SNTG2: variants seen among roughly 807,000 people sequenced by gnomAD.
SNTG2 encodes the protein syntrophin gamma 2, also known as gamma-2-syntrophin.
A neutral mutation model predicts 70.9 loss-of-function variants in SNTG2; 74 were observed. That is an observed-to-expected ratio of 1.04 (90% confidence interval 0.86 to 1.27). The LOEUF (loss-of-function observed/expected upper bound fraction) is 1.27. Ranked by LOEUF, SNTG2 falls within the 50% of genes most tolerant of loss-of-function variation. The pLI, the probability that SNTG2 is intolerant of heterozygous loss-of-function variation, is 0.00. For synonymous variants in SNTG2, 278 were observed against 273.8 expected (o/e 1.02, Z -0.15); for missense variants, 717 against 690.7 (o/e 1.04, Z -0.43).
chr2:1,005,821 A>C (rs1291968377), intron 1 of SNTG2, among the ~76,000 whole-genome samples: 2 of 4,178 alleles, frequency 4.8e-4, no homozygotes, highest in Non-Finnish European at 9.1e-4. Context: ...ATATATATAT[A>C]TATATATATA....
intron 1 of SNTG2, among the ~76,000 whole-genome samples, chr2:1,003,223 G>T (rs377660590): frequency 1.1e-3 from 173 of 152,100 alleles, no homozygotes; most frequent in Non-Finnish European, 2.0e-3. Flanking sequence ...AACTGCACAC[G>T]TACCCCCTAA....
rs71440611 is a variant in SNTG2 at position 1,014,576 on chromosome 2, A to G, written c.72+63508A>G. On this transcript the variant is annotated intron_variant, in intron 1 of 16. Transcript: ENST00000308624. ...GGCAGAGAGAAGGGTGGTCTGGAGAAGGATTTATATGGGCAGAGAGAAGGG... is the reference window on the plus strand; with the variant it reads ...GGCAGAGAGAAGGGTGGTCTGGAGAGGGATTTATATGGGCAGAGAGAAGGG... Among the ~76,000 whole-genome samples the G allele has an allele frequency of 9.4e-3, 382 of 40,430 alleles. 1 individual carries two copies. Among genetic ancestry groups the G allele is most frequent in the Admixed American group, 0.012 (44 of 3,600 alleles). The allele number at this position is 40,430 out of a possible 152,430, so 26.5% of individuals were successfully genotyped here.
intron 6 of SNTG2, among the ~76,000 whole-genome samples, chr2:1,143,180 C>G (rs1202462732): frequency 6.8e-6 from 1 of 146,964 alleles, no homozygotes; most frequent in Non-Finnish European, 1.5e-5. Context: ...CCATCAATGC[C>G]CTAACTGTAG....
At chr2:1,161,936 A>T (rs1304416399) in intron 6 of SNTG2, among the ~76,000 whole-genome samples, 9 of 152,046 alleles carry the variant, frequency 5.9e-5, no homozygotes, top group East Asian at 3.9e-4. Flanking sequence ...TAGCCAGGCG[A>T]GATGGCGGGC....
At chr2:1,088,682 A>T (rs1031903733) in intron 2 of SNTG2, among the ~76,000 whole-genome samples, 2 of 152,234 alleles carry the variant, frequency 1.3e-5, no homozygotes, top group African/African-American at 4.8e-5. Context: ...GTGTGTCCAT[A>T]GTCAAACTGT....
intron 4 of SNTG2, among the ~76,000 whole-genome samples, chr2:1,136,127 A>G (rs1369942959): frequency 6.6e-6 from 1 of 152,220 alleles, no homozygotes; most frequent in Non-Finnish European, 1.5e-5. Flanking sequence ...GAATCCACAT[A>G]TTCTGTGTGT....
At chr2:1,236,655 T>C (rs1327536126) in intron 9 of SNTG2, among the ~76,000 whole-genome samples, 1 of 152,236 alleles carries the variant, frequency 6.6e-6, no homozygotes, top group Non-Finnish European at 1.5e-5. Flanking sequence ...ATGTCAGCTT[T>C]TTAAAAGAAT....
At chr2:1,143,954 AAC>A (rs1480990772) in intron 6 of SNTG2, among the ~76,000 whole-genome samples, 1 of 127,334 alleles carries the variant, frequency 7.9e-6, no homozygotes, top group African/African-American at 3.1e-5. Flanking sequence ...GAGGAAAAAA[AAC>A]AGAAATTTAT....
chr2:1,156,620 G>C (rs1205205289), intron 6 of SNTG2, among the ~76,000 whole-genome samples: 2 of 152,166 alleles, frequency 1.3e-5, no homozygotes, highest in African/African-American at 4.8e-5. Flanking sequence ...AGCGGGAAGA[G>C]ACCTGGAGTT....
At chr2:1,050,475 A>G (rs972234088) in intron 1 of SNTG2, among the ~76,000 whole-genome samples, 1 of 148,558 alleles carries the variant, frequency 6.7e-6, no homozygotes, top group African/African-American at 2.6e-5. Context: ...GTGGAGTTGC[A>G]TATGTGGATT....
rs112175199 is a variant in SNTG2 at position 1,259,345 on chromosome 2, A to G, written c.1006-25A>G. 95 of 1,612,642 alleles carry G rather than the reference A, an allele frequency of 5.9e-5. 1 individual carries two copies. In the African/African-American group the frequency reaches 8.8e-4, roughly 15 times the overall value. On this transcript the variant is annotated intron_variant, in intron 12 of 16. Transcript: ENST00000308624. Reference sequence around the variant, plus strand: ...AACTAAAAGTAGCATGCTGCTTTTCATGGAACGTTCTCTGTTTCTTGCAGG... The same window carrying G: ...AACTAAAAGTAGCATGCTGCTTTTCGTGGAACGTTCTCTGTTTCTTGCAGG...
At chr2:1,159,716 A>G (rs1447469941) in intron 6 of SNTG2, among the ~76,000 whole-genome samples, 1 of 152,194 alleles carries the variant, frequency 6.6e-6, no homozygotes, top group Non-Finnish European at 1.5e-5. Context: ...AAAGAAAGAA[A>G]TAATAAAAAT....
intron 4 of SNTG2, among the ~76,000 whole-genome samples, chr2:1,137,191 GACACATGCACAC>G (rs1668442123): frequency 6.6e-6 from 1 of 152,122 alleles, no homozygotes; most frequent in Admixed American, 6.6e-5. Flanking sequence ...CACCCCTGTG[GACACATGCACAC>G]ACACATCCAT....
At chr2:1,050,813 T>C (rs1662015261) in intron 1 of SNTG2, among the ~76,000 whole-genome samples, 1 of 152,222 alleles carries the variant, frequency 6.6e-6, no homozygotes, top group South Asian at 2.1e-4. Flanking sequence ...CAAGATCTAG[T>C]CTGTAATTCA....
intron 8 of SNTG2, among the ~76,000 whole-genome samples, chr2:1,198,156 T>C (rs1673044749): frequency 6.6e-6 from 1 of 152,036 alleles, no homozygotes; most frequent in Admixed American, 6.6e-5. Flanking sequence ...AAATATCTTC[T>C]CAGAACACAG....
At chr2:1,017,401 A>C (rs1309624952) in intron 1 of SNTG2, among the ~76,000 whole-genome samples, 1 of 152,258 alleles carries the variant, frequency 6.6e-6, no homozygotes, top group African/African-American at 2.4e-5. Context: ...ACATGCAGGC[A>C]TGCAGACACA....
chr2:1,289,780 A>G (rs1442030143), intron 14 of SNTG2, among the ~76,000 whole-genome samples: 1 of 152,052 alleles, frequency 6.6e-6, no homozygotes, highest in Admixed American at 6.5e-5. Context: ...TTGCCACTAA[A>G]CACCAGCTCC....
chr2:1,082,437 C>A (rs1264266209), intron 1 of SNTG2, among the ~76,000 whole-genome samples: 6 of 152,176 alleles, frequency 3.9e-5, no homozygotes, highest in East Asian at 1.9e-4. Flanking sequence ...TCCTATGTGG[C>A]CACAGCCTCA....
intron 14 of SNTG2, among the ~76,000 whole-genome samples, chr2:1,306,368 G>A (rs1361425626): frequency 1.3e-5 from 2 of 152,178 alleles, no homozygotes; most frequent in Non-Finnish European, 2.9e-5. Flanking sequence ...CCTCTAAGAG[G>A]GGAGAGGCAG....
Sources: gnomAD v4.1 joint callset for allele counts (sites outside exome capture counted in the v4.1 genomes callset) on GRCh38, gnomAD v4.1.1 for gene constraint, MANE v1.5 for transcripts, NCBI Gene and HGNC (gene_info 2026-07-23, HGNC 2026-07-21) for gene names.